The following TRPM3 variants were observed in gnomAD, a reference collection of about 807,000 sequenced individuals.
TRPM3 encodes long transient receptor potential channel 3.
In TRPM3, 77 loss-of-function variants were observed where a neutral mutation model predicts 181.2. That is an observed-to-expected ratio of 0.42 (90% CI 0.35 to 0.51). The LOEUF (loss-of-function observed/expected upper bound fraction) is 0.51, where lower values mean the gene tolerates loss of function less well. TRPM3 is among the 20% of genes least tolerant of loss of function. The pLI is 0.01. For synonymous variants in TRPM3, 745 were observed against 796.4 expected (o/e 0.94, Z 1.09); for missense variants, 1,759 against 2,196.7 (o/e 0.80, Z 3.98).
At chr9:70,591,006 G>A (rs749660046) in intron 22 of TRPM3, 25 bp downstream of exon 22, 3 of 1,614,006 alleles carry the variant, frequency 1.9e-6, no homozygotes, top group Non-Finnish European at 2.5e-6. Context: ...TGACTTTGGT[G>A]TATGAGAATC....
At chr9:70,768,681 G>C (rs1340399839) in intron 7 of TRPM3, among the ~76,000 whole-genome samples, 1 of 152,002 alleles carries the variant, frequency 6.6e-6, no homozygotes, top group Non-Finnish European at 1.5e-5. Context: ...AGTGCTTTGG[G>C]AGCCTGAGGC....
At chr9:70,682,583 C>T (rs2065750097) in intron 8 of TRPM3, among the ~76,000 whole-genome samples, 2 of 152,204 alleles carry the variant, frequency 1.3e-5, no homozygotes, top group African/African-American at 4.8e-5. Flanking sequence ...GAGTGGCTGA[C>T]ATAATGGAGT....
intron 1 of TRPM3, among the ~76,000 whole-genome samples, chr9:71,205,483 T>C (rs993985234): frequency 6.6e-6 from 1 of 152,058 alleles, no homozygotes; most frequent in African/African-American, 2.4e-5. Flanking sequence ...GAATGGACCT[T>C]GGAGGGAGGG....
At position 71,349,099 on chromosome 9, in the gene TRPM3, G is replaced by A. The variant is rs118052528; in HGVS notation, c.183+97554C>T. 8.8e-3 allele frequency among the ~76,000 whole-genome samples: 1,338 copies of A among 152,242 alleles called. 10 individuals carry two copies. Among genetic ancestry groups the A allele is most frequent in the Non-Finnish European group, 0.015 (1,028 of 68,016 alleles). On this transcript the variant is annotated intron_variant, in intron 1 of 24. Coordinates refer to the TRPM3 transcript ENST00000357533. ...CCTGGCTCATATTAGGGCTAGAAAA[G>A]TACTACATTCTTCTGAAGATTGCCT...
intron 1 of TRPM3, among the ~76,000 whole-genome samples, chr9:70,934,044 C>T (rs2096800516): frequency 6.6e-6 from 1 of 152,146 alleles, no homozygotes; most frequent in African/African-American, 2.4e-5. Context: ...GACATATTCT[C>T]TTCATGTGCA....
rs189656069 is a variant in TRPM3 at position 71,037,900 on chromosome 9, T to C, written c.177+83278A>G. Among the ~76,000 whole-genome samples the C allele has an allele frequency of 3.4e-3, 513 of 152,316 alleles. 1 individual carries two copies. The highest frequency in any genetic ancestry group is 5.0e-3 in the Non-Finnish European group (337 of 68,014). On this transcript the variant is annotated intron_variant, in intron 1 of 25. Transcript: ENST00000677713. ...ATAACATCAGTCTTAGAAAATGACA[T>C]TTATGCATTCAAATAAGTGGCACAG...
chr9:70,801,466 A>T (rs992430485), intron 6 of TRPM3, among the ~76,000 whole-genome samples: 1 of 152,240 alleles, frequency 6.6e-6, no homozygotes, highest in Non-Finnish European at 1.5e-5. Flanking sequence ...GCAGCAATAC[A>T]GCAGCACCTG....
At chr9:71,323,207 G>GT (rs2089401497) in intron 1 of TRPM3, among the ~76,000 whole-genome samples, 1 of 152,000 alleles carries the variant, frequency 6.6e-6, no homozygotes, top group African/African-American at 2.4e-5. Flanking sequence ...TAGCCTTCAT[G>GT]TGTTACAGCA....
At chr9:71,137,257 TTAAG>T (rs1404886511) in intron 1 of TRPM3, among the ~76,000 whole-genome samples, 2 of 152,176 alleles carry the variant, frequency 1.3e-5, no homozygotes, top group African/African-American at 4.8e-5. Context: ...AAAATAAAGA[TTAAG>T]TACCATCATT....
chr9:70,680,776 C>A (rs2065215395), intron 9 of TRPM3, among the ~76,000 whole-genome samples: 1 of 152,164 alleles, frequency 6.6e-6, no homozygotes, highest in African/African-American at 2.4e-5. Context: ...CTGTTTAACA[C>A]TGCAAATTAG....
intron 6 of TRPM3, among the ~76,000 whole-genome samples, chr9:70,812,785 C>A (rs945452908): frequency 2.4e-4 from 37 of 151,762 alleles, no homozygotes; most frequent in Non-Finnish European, 4.9e-4. Flanking sequence ...ATTTATCAAA[C>A]TCTAATGAAA....
At chr9:70,621,393 C>T (rs923275571) in intron 14 of TRPM3, 120 bp from the exon 15 acceptor site, 1 of 581,992 alleles carries the variant, frequency 1.7e-6, no homozygotes, top group African/African-American at 2.0e-5. Flanking sequence ...GAGACAAGGT[C>T]TCACTTTGTC....
chr9:71,257,857 C>T (rs908453693), intron 1 of TRPM3, among the ~76,000 whole-genome samples: 22 of 152,114 alleles, frequency 1.4e-4, no homozygotes, highest in African/African-American at 5.1e-4. Flanking sequence ...TTTTGATGTT[C>T]ATCTAGAAGT....
At chr9:70,966,014 A>G (rs996026097) in intron 1 of TRPM3, among the ~76,000 whole-genome samples, 2 of 151,180 alleles carry the variant, frequency 1.3e-5, no homozygotes, top group African/African-American at 4.9e-5. Context: ...AATATCCAGC[A>G]TCTAAAAAAA....
At chr9:70,629,139 T>TATAA (rs2065219511) in intron 12 of TRPM3, among the ~76,000 whole-genome samples, 1 of 147,926 alleles carries the variant, frequency 6.8e-6, no homozygotes, top group African/African-American at 2.5e-5. Context: ...GATCGTCTCA[T>TATAA]ATAAAGCTTG....
chr9:71,176,116 AC>A (rs2077096191), intron 1 of TRPM3, among the ~76,000 whole-genome samples: 1 of 152,196 alleles, frequency 6.6e-6, no homozygotes, highest in South Asian at 2.1e-4. Flanking sequence ...CATATACTGT[AC>A]TTTTAATCGT....
intron 9 of TRPM3, among the ~76,000 whole-genome samples, chr9:70,649,735 C>G (rs2059373604): frequency 6.6e-6 from 1 of 152,142 alleles, no homozygotes; most frequent in African/African-American, 2.4e-5. Flanking sequence ...AATTAGCTCA[C>G]TTCCTGTGGA....
At chr9:71,205,064 G>A (rs2079042202) in intron 1 of TRPM3, among the ~76,000 whole-genome samples, 1 of 152,014 alleles carries the variant, frequency 6.6e-6, no homozygotes, top group East Asian at 1.9e-4. Flanking sequence ...GGCCTGTTGT[G>A]GGGTGGGGGG....
intron 1 of TRPM3, among the ~76,000 whole-genome samples, chr9:71,381,182 A>T (rs1461843318): frequency 6.6e-6 from 1 of 152,096 alleles, no homozygotes; most frequent in Non-Finnish European, 1.5e-5. Context: ...AGAGCCTAGA[A>T]CTCTCAGGCA....
Sources: allele counts gnomAD v4.1 joint callset (sites outside exome capture counted in the v4.1 genomes callset), GRCh38; gene constraint gnomAD v4.1.1; transcripts MANE v1.5; gene names NCBI Gene and HGNC (gene_info 2026-07-23, HGNC 2026-07-21).